MGAT1: variants seen among roughly 807,000 people sequenced by gnomAD.
MGAT1 encodes alpha-1,3-mannosyl-glycoprotein 2-beta-N-acetylglucosaminyltransferase.
Under a neutral mutation model 31.7 loss-of-function variants are expected in MGAT1, and 14 were observed. The observed-to-expected ratio is 0.44, with a 90% CI of 0.29 to 0.69. MGAT1 has a LOEUF of 0.69. Ranked by LOEUF, MGAT1 falls within the 30% of genes least tolerant of loss-of-function variation. MGAT1 has a pLI of 0.12. For synonymous variants in MGAT1, 338 were observed against 276.0 expected (o/e 1.22, Z -2.23); for missense variants, 557 against 626.0 (o/e 0.89, Z 1.18).
intron 1 of MGAT1, among the ~76,000 whole-genome samples, chr5:180,800,755 G>T (rs1352293113): frequency 6.6e-6 from 1 of 152,216 alleles, no homozygotes; most frequent in Non-Finnish European, 1.5e-5. Flanking sequence ...AGTGGACAAT[G>T]TCAAACTATA....
upstream of MGAT1, among the ~76,000 whole-genome samples, chr5:180,804,718 G>A (rs1454192278): frequency 1.3e-5 from 2 of 152,210 alleles, no homozygotes; most frequent in Non-Finnish European, 2.9e-5. Flanking sequence ...GTAGATCCAA[G>A]ACATGAGGAG....
At chr5:180,800,390 C>A (rs1016805340) in intron 1 of MGAT1, among the ~76,000 whole-genome samples, 2 of 152,220 alleles carry the variant, frequency 1.3e-5, no homozygotes, top group Non-Finnish European at 2.9e-5. Flanking sequence ...GAGGAGATGA[C>A]GTGTCTCTGC....
upstream of MGAT1, chr5:180,803,856 G>T (rs3806867): frequency 0.01 from 1,551 of 152,570 alleles, 13 homozygotes; most frequent in East Asian, 0.035. Context: ...AGGACTACAG[G>T]CTGCTGGGTA....
At chr5:180,803,052 G>A (rs1771251665), upstream of MGAT1, among the ~76,000 whole-genome samples, 1 of 152,212 alleles carries the variant, frequency 6.6e-6, no homozygotes, top group African/African-American at 2.4e-5. Flanking sequence ...GCAACCCTGA[G>A]GGTGGACGCC....
At chr5:180,799,122 C>T (rs925269424) in intron 1 of MGAT1, among the ~76,000 whole-genome samples, 6 of 152,290 alleles carry the variant, frequency 3.9e-5, no homozygotes, top group African/African-American at 9.6e-5. Context: ...CACCTGGTCA[C>T]GACATTAACT....
chr5:180,797,606 C>T (rs920648490), intron 1 of MGAT1, among the ~76,000 whole-genome samples: 1 of 152,160 alleles, frequency 6.6e-6, no homozygotes, highest in African/African-American at 2.4e-5. Flanking sequence ...TTAGGACCTC[C>T]TGCCCCACCC....
chr5:180,808,735 A>C (rs1294796378), exon 2 of MGAT1: 1 of 152,234 alleles, frequency 6.6e-6, no homozygotes, highest in African/African-American at 2.4e-5. Flanking sequence ...CCCAAATCAG[A>C]TCCACCAAAG....
At chr5:180,794,693 G>C (rs1423532536) in intron 1 of MGAT1, among the ~76,000 whole-genome samples, 1 of 152,120 alleles carries the variant, frequency 6.6e-6, no homozygotes, top group Non-Finnish European at 1.5e-5. Context: ...TGGTGGTGCT[G>C]CCGGAGGTGG....
At position 180,792,477 on chromosome 5, in the gene MGAT1, G is replaced by A. The variant is rs1399328665; in HGVS notation, c.495C>T (p.Pro165=). ...YGSAVTHIRQ[P]DLSSIAVPPD... Reference sequence around the variant, plus strand: ...GCGGCACCGCAATGCTGCTCAGGTCGGGCTGCCGGATGTGCGTGACCGCGC... The same window carrying A: ...GCGGCACCGCAATGCTGCTCAGGTCAGGCTGCCGGATGTGCGTGACCGCGC... The change falls in exon 2 of 2, where the codon CCC becomes CCT. Residue 165 remains proline, a synonymous_variant. Coordinates refer to ENST00000307826, the MANE Select transcript of MGAT1 (RefSeq NM_002406.4). The A allele has an allele frequency of 6.2e-7, 1 of 1,612,814 alleles. No homozygotes were observed. The highest frequency in any genetic ancestry group is 8.5e-7 in the Non-Finnish European group (1 of 1,179,848).
chr5:180,813,925 TATGTATC>T (rs1431316735), intron 1 of MGAT1, among the ~76,000 whole-genome samples: 1 of 152,194 alleles, frequency 6.6e-6, no homozygotes, highest in Non-Finnish European at 1.5e-5. Flanking sequence ...CCACCAAACT[TATGTATC>T]AGGGCTTCCC....
At chr5:180,805,914 T>C (rs1478030519), upstream of MGAT1, among the ~76,000 whole-genome samples, 3 of 152,180 alleles carry the variant, frequency 2.0e-5, no homozygotes, top group Admixed American at 2.0e-4. Context: ...CACTAAACAA[T>C]GTCTGTGAAA....
intron 1 of MGAT1, among the ~76,000 whole-genome samples, chr5:180,813,117 G>A (rs1772676989): frequency 1.3e-5 from 2 of 151,464 alleles, no homozygotes; most frequent in African/African-American, 4.9e-5. Flanking sequence ...TAAAGTCTGG[G>A]AACTCGTGTC....
chr5:180,808,642 C>G (rs1772171891), intron 2 of MGAT1: 1 of 152,248 alleles, frequency 6.6e-6, no homozygotes, highest in African/African-American at 2.4e-5. Context: ...GAGACAGGAG[C>G]CTTACCTTTC....
intron 1 of MGAT1, among the ~76,000 whole-genome samples, chr5:180,799,884 GC>G (rs1371729061): frequency 1.3e-5 from 2 of 152,130 alleles, no homozygotes; most frequent in African/African-American, 4.8e-5. Flanking sequence ...CTAGGACCCT[GC>G]TATATGGACA....
chr5:180,811,701 A>G (rs145676037), intron 1 of MGAT1, among the ~76,000 whole-genome samples: 14 of 150,778 alleles, frequency 9.3e-5, no homozygotes, highest in Admixed American at 4.6e-4. Context: ...TACAGCAGCC[A>G]CAGGGATCCT....
chr5:180,814,782 A>G (rs1259999846), intron 1 of MGAT1, among the ~76,000 whole-genome samples: 2 of 151,918 alleles, frequency 1.3e-5, no homozygotes, highest in Non-Finnish European at 2.9e-5. Context: ...CCTACTAAAA[A>G]TATAAAAATT....
At chr5:180,807,845 C>T (rs1463472538) in intron 2 of MGAT1, among the ~76,000 whole-genome samples, 1 of 152,234 alleles carries the variant, frequency 6.6e-6, no homozygotes, top group Non-Finnish European at 1.5e-5. Flanking sequence ...GTTGCCAGCA[C>T]ACTATTTCAA....
intron 1 of MGAT1, among the ~76,000 whole-genome samples, chr5:180,802,422 T>G (rs1335625511): frequency 6.6e-6 from 1 of 151,856 alleles, no homozygotes; most frequent in African/African-American, 2.4e-5. Context: ...TCCTCCCCAG[T>G]CCGCGGAGCC....
Position 180,786,121 on chromosome 5 carries a change from G to A in MGAT1, c.*5513C>T, listed in dbSNP as rs753396544. 1 of 152,296 alleles carries A rather than the reference G, an allele frequency of 6.6e-6. No homozygotes were observed. Among genetic ancestry groups the A allele is most frequent in the Non-Finnish European group, 1.5e-5 (1 of 68,070 alleles). 9.4% of individuals were successfully genotyped at this position (152,296 alleles called of 1,614,324 possible). A position where few individuals can be genotyped will look rare whatever the true frequency, so the allele number is the denominator to read the frequency against. On this transcript the variant is annotated 3_prime_UTR_variant, in exon 2 of 2. Coordinates refer to ENST00000307826, the MANE Select transcript of MGAT1 (RefSeq NM_002406.4). ...TGGGAGCCATGTGTTGAAGACGGCG[G>A]AACAACAAAAGTGAAGACAAAAAAG...
Sources: allele counts gnomAD v4.1 joint callset (sites outside exome capture counted in the v4.1 genomes callset), GRCh38; gene constraint gnomAD v4.1.1; transcripts MANE v1.5; gene names NCBI Gene and HGNC (gene_info 2026-07-23, HGNC 2026-07-21).